Variants in OR14I1 observed in about 807,000 individuals in gnomAD.
OR14I1 encodes the protein olfactory receptor family 14 subfamily I member 1, also known as olfactory receptor 14I1.
For synonymous variants in OR14I1, 118 were observed against 71.1 expected (o/e 1.66, Z -3.32); for missense variants, 279 against 181.8 (o/e 1.53, Z -3.07).
chr1:248,696,727 C>T, the OR14I1 span, among the ~76,000 whole-genome samples: 5 of 152,214 alleles, frequency 3.3e-5, no homozygotes, highest in Non-Finnish European at 7.3e-5. Flanking sequence ...CCCTACCCTG[C>T]ACATCCTGTC....
the OR14I1 span, among the ~76,000 whole-genome samples, chr1:248,693,447 T>A: frequency 1.3e-5 from 2 of 152,216 alleles, no homozygotes; most frequent in African/African-American, 4.8e-5. Context: ...AGCATCACAG[T>A]AAAAATAGTT....
upstream of OR14I1, among the ~76,000 whole-genome samples, chr1:248,687,224 C>T (rs777943666): frequency 6.6e-6 from 1 of 152,154 alleles, no homozygotes; most frequent in Non-Finnish European, 1.5e-5. Flanking sequence ...AAATAATCTT[C>T]GATAAAGTAC....
the OR14I1 span, among the ~76,000 whole-genome samples, chr1:248,697,621 C>T: frequency 7.9e-5 from 12 of 152,090 alleles, no homozygotes; most frequent in African/African-American, 2.9e-4. Context: ...CCCGTCCCTA[C>T]TAAAAATACA....
the OR14I1 span, among the ~76,000 whole-genome samples, chr1:248,690,759 C>G: frequency 6.6e-5 from 10 of 151,632 alleles, no homozygotes; most frequent in Non-Finnish European, 1.2e-4. Context: ...GATACCATAA[C>G]CTGGCAGAGA....
downstream of OR14I1, among the ~76,000 whole-genome samples, chr1:248,679,159 G>A (rs1661520260): frequency 6.6e-6 from 1 of 152,162 alleles, no homozygotes; most frequent in African/African-American, 2.4e-5. Context: ...AGAAAAATAT[G>A]AATGACACAA....
chr1:248,691,442 T>C, the OR14I1 span, among the ~76,000 whole-genome samples: 6 of 152,178 alleles, frequency 3.9e-5, no homozygotes, highest in Non-Finnish European at 8.8e-5. Context: ...CGTCAGAGAA[T>C]TAAGTATATA....
chr1:248,684,660 A>T (rs1031144474), upstream of OR14I1, among the ~76,000 whole-genome samples: 1 of 152,166 alleles, frequency 6.6e-6, no homozygotes, highest in Non-Finnish European at 1.5e-5. Context: ...CATAGTTTTG[A>T]AAAAACCCCA....
chr1:248,702,722 A>T, the OR14I1 span, among the ~76,000 whole-genome samples: 1 of 152,056 alleles, frequency 6.6e-6, no homozygotes, highest in Non-Finnish European at 1.5e-5. Flanking sequence ...AGCAAATGCC[A>T]AAGCCAGAAT....
chr1:248,696,836 TA>T, the OR14I1 span, among the ~76,000 whole-genome samples: 1 of 152,198 alleles, frequency 6.6e-6, no homozygotes, highest in African/African-American at 2.4e-5. Flanking sequence ...ATGAGCTCCA[TA>T]ATGGCAGGGA....
At chr1:248,685,486 C>T (rs1661634878), upstream of OR14I1, among the ~76,000 whole-genome samples, 1 of 152,126 alleles carries the variant, frequency 6.6e-6, no homozygotes, top group South Asian at 2.1e-4. Context: ...CAGGAGTATA[C>T]TATCTCCCGG....
At chr1:248,701,107 G>A in the OR14I1 span, among the ~76,000 whole-genome samples, 1 of 152,014 alleles carries the variant, frequency 6.6e-6, no homozygotes, top group Non-Finnish European at 1.5e-5. Flanking sequence ...ACACTATATT[G>A]AAATAGAAAC....
upstream of OR14I1, among the ~76,000 whole-genome samples, chr1:248,682,919 G>T (rs1366063944): frequency 2.0e-5 from 3 of 152,148 alleles, no homozygotes; most frequent in Non-Finnish European, 4.4e-5. Context: ...AATTTATTTT[G>T]TGTCAATGTG....
chr1:248,701,394 T>TC, the OR14I1 span, among the ~76,000 whole-genome samples: 1 of 152,280 alleles, frequency 6.6e-6, no homozygotes, highest in Non-Finnish European at 1.5e-5. Flanking sequence ...CCTCAAGTGA[T>TC]CCATCCACCT....
At chr1:248,697,252 G>C in the OR14I1 span, 1 of 152,192 alleles carries the variant, frequency 6.6e-6, no homozygotes, top group Non-Finnish European at 1.5e-5. Context: ...AGCTTATGGG[G>C]TATGTGTTCC....
chr1:248,681,715 G>A (rs1383102571), exon 1 of OR14I1: 2 of 781,042 alleles, frequency 2.6e-6, no homozygotes, highest in South Asian at 1.3e-5. Flanking sequence ...CAGGGCCAGG[G>A]TCAAAAACTC....
the OR14I1 span, among the ~76,000 whole-genome samples, chr1:248,700,826 AAG>A: frequency 4.4e-4 from 67 of 152,336 alleles, no homozygotes; most frequent in African/African-American, 1.6e-3. Context: ...AATTATATAA[AAG>A]AGAAGATAGT....
At chr1:248,699,436 C>T in the OR14I1 span, among the ~76,000 whole-genome samples, 1 of 152,100 alleles carries the variant, frequency 6.6e-6, no homozygotes, top group Non-Finnish European at 1.5e-5. Flanking sequence ...TTTAGATGGA[C>T]TTTGAGGAGA....
chr1:248,688,352 CCTT>C, the OR14I1 span, among the ~76,000 whole-genome samples: 3 of 152,238 alleles, frequency 2.0e-5, no homozygotes, highest in Non-Finnish European at 2.9e-5. Context: ...GAGAGGTAGA[CCTT>C]CTTACAAATG....
exon 1 of OR14I1, chr1:248,681,507 G>C: frequency 1.3e-6 from 1 of 781,042 alleles, no homozygotes. Context: ...AATCCTGAAT[G>C]GACAGAGCTT....
Sources: allele counts gnomAD v4.1 joint callset (sites outside exome capture counted in the v4.1 genomes callset), GRCh38; gene constraint gnomAD v4.1.1; transcripts MANE v1.5; gene names NCBI Gene and HGNC (gene_info 2026-07-23, HGNC 2026-07-21).